The following USP15 variants were observed in gnomAD, a reference collection of about 807,000 sequenced individuals.
USP15 encodes ubiquitin carboxyl-terminal hydrolase 15.
Under a neutral mutation model 127.1 loss-of-function variants are expected in USP15, and 18 were observed. That is an observed-to-expected ratio of 0.14 (90% CI 0.10 to 0.21). USP15 has a LOEUF of 0.21. Among genes scored for constraint, USP15 ranks in the 10% least tolerant of loss-of-function variants. USP15 has a pLI of 1.00. For missense variants in USP15, 805 were observed against 1,159.9 expected (o/e 0.69, Z 4.44); for synonymous variants, 364 against 393.7 (o/e 0.92, Z 0.89).
rs149099292 is a variant in USP15, at chr12:62,267,688, A to G, written c.89+7185A>G. 4.3e-3 allele frequency among the ~76,000 whole-genome samples: 655 copies of G among 152,272 alleles called. 5 individuals carry two copies. The highest frequency in any genetic ancestry group is 0.014 in the South Asian group (67 of 4,832). ...AAAATCATTTAGCAGAAGTACCAGTAGCAAGGACTTCTTTGTGAAGGAAGT... is the reference window on the plus strand; with the variant it reads ...AAAATCATTTAGCAGAAGTACCAGTGGCAAGGACTTCTTTGTGAAGGAAGT... On this transcript the variant is annotated intron_variant, in intron 1 of 21. Coordinates refer to ENST00000280377, the MANE Select transcript of USP15 (RefSeq NM_001252078.2).
chr12:62,289,599 CACTT>C (rs903071887), intron 1 of USP15, among the ~76,000 whole-genome samples: 7 of 151,670 alleles, frequency 4.6e-5, no homozygotes, highest in African/African-American at 1.7e-4. Flanking sequence ...GTCTCAGTGT[CACTT>C]ACTTTTCCTC....
rs1007063070 is a variant in USP15, at chr12:62,412,575, G to C, written c.*8200G>C. On this transcript the variant is annotated 3_prime_UTR_variant, in exon 22 of 22. Transcript: ENST00000280377. ...AATCCTTTGTTGTCTTTTCAACAAT[G>C]TTCACAGCATCTTCACCAGGAGAAG... 4 of 163,954 alleles carry C rather than the reference G, an allele frequency of 2.4e-5. No individual in the cohort carries two copies. The highest frequency in any genetic ancestry group is 9.6e-5 in the African/African-American group (4 of 41,826). The allele number at this position is 163,954 out of a possible 1,614,324, so 10.2% of individuals were successfully genotyped here. A position where few individuals can be genotyped will look rare whatever the true frequency, so the allele number is the denominator to read the frequency against.
chr12:62,348,296 T>G (rs2065875858), intron 6 of USP15, among the ~76,000 whole-genome samples: 1 of 152,238 alleles, frequency 6.6e-6, no homozygotes, highest in Non-Finnish European at 1.5e-5. Context: ...GCATAATGCA[T>G]TGTAGATATA....
At chr12:62,372,599 A>G (rs1048655521) in intron 8 of USP15, among the ~76,000 whole-genome samples, 23 of 152,132 alleles carry the variant, frequency 1.5e-4, no homozygotes, top group African/African-American at 5.5e-4. Context: ...AAGATCAGTA[A>G]ACTCACACAA....
At chr12:62,273,469 A>G (rs982971489) in intron 1 of USP15, among the ~76,000 whole-genome samples, 2 of 152,086 alleles carry the variant, frequency 1.3e-5, no homozygotes, top group Admixed American at 1.3e-4. Context: ...GGACAGTCGA[A>G]GGGTTTTATT....
intron 8 of USP15, among the ~76,000 whole-genome samples, chr12:62,378,498 T>G (rs2066899879): frequency 6.6e-6 from 1 of 152,176 alleles, no homozygotes; most frequent in Admixed American, 6.5e-5. Flanking sequence ...TTATGATATC[T>G]TCACAGATAA....
At chr12:62,316,439 T>G (rs1026861914) in intron 4 of USP15, among the ~76,000 whole-genome samples, 4 of 152,038 alleles carry the variant, frequency 2.6e-5, no homozygotes, top group Non-Finnish European at 5.9e-5. Flanking sequence ...GAAAATAAGA[T>G]ATTTCTACAT....
intron 3 of USP15, among the ~76,000 whole-genome samples, chr12:62,313,354 G>T (rs183874346): frequency 9.2e-5 from 14 of 151,494 alleles, no homozygotes; most frequent in African/African-American, 3.4e-4. Flanking sequence ...TCATAATGGG[G>T]GTTTTGTTTT....
At chr12:62,397,393 G>T (rs1215814873) in intron 20 of USP15, among the ~76,000 whole-genome samples, 2 of 152,028 alleles carry the variant, frequency 1.3e-5, no homozygotes, top group East Asian at 1.9e-4. Context: ...TTTATGTCAT[G>T]CATATTGGTC....
rs1033948060 is a variant in USP15 at position 62,410,839 on chromosome 12, A to T, written c.*6464A>T. The T allele has an allele frequency of 6.1e-5, 6 of 98,226 alleles. No homozygotes were observed. The highest frequency in any genetic ancestry group is 1.4e-4 in the Non-Finnish European group (6 of 42,872). 6.1% of individuals were successfully genotyped at this position (98,226 alleles called of 1,614,324 possible). On this transcript the variant is annotated 3_prime_UTR_variant, in exon 22 of 22. Transcript: ENST00000280377. ...AATAGCATTGATGAGTCAAGTTAAT[A>T]TTTGTTTTTGTTTTTTTTTTTTTTT... is the stretch of plus-strand genomic sequence containing the variant.
chr12:62,307,505 C>T (rs929670753), intron 3 of USP15, among the ~76,000 whole-genome samples: 1 of 152,042 alleles, frequency 6.6e-6, no homozygotes, highest in Non-Finnish European at 1.5e-5. Context: ...GTATGGGGGG[C>T]AGAAAACTTG....
intron 21 of USP15, among the ~76,000 whole-genome samples, chr12:62,401,681 T>C (rs1018160703): frequency 2.6e-5 from 4 of 151,864 alleles, no homozygotes; most frequent in African/African-American, 9.7e-5. Context: ...TCCTGCCTTA[T>C]GAAAATTAAC....
intron 3 of USP15, among the ~76,000 whole-genome samples, chr12:62,308,126 C>T (rs1173735633): frequency 1.3e-5 from 2 of 151,796 alleles, no homozygotes; most frequent in Non-Finnish European, 2.9e-5. Flanking sequence ...CTAGGGGTCT[C>T]GGAATATATG....
At chr12:62,265,083 G>A (rs1286818988) in intron 1 of USP15, among the ~76,000 whole-genome samples, 2 of 152,130 alleles carry the variant, frequency 1.3e-5, no homozygotes, top group Non-Finnish European at 2.9e-5. Flanking sequence ...TTCTGTTAGT[G>A]AGTCCAGGGT....
intron 5 of USP15, among the ~76,000 whole-genome samples, chr12:62,322,151 G>A (rs1449501380): frequency 2.0e-5 from 3 of 152,050 alleles, no homozygotes; most frequent in South Asian, 2.1e-4. Context: ...TGTTTGAGAC[G>A]GAGTCTCACT....
intron 6 of USP15, 91 bp downstream of exon 6, chr12:62,326,024 G>T (rs182127887): frequency 7.5e-6 from 8 of 1,071,850 alleles, no homozygotes; most frequent in Non-Finnish European, 9.4e-6. Context: ...GAACCTAGAT[G>T]TGTATTGCAG....
At chr12:62,351,674 G>A (rs1386311811) in intron 7 of USP15, among the ~76,000 whole-genome samples, 1 of 151,882 alleles carries the variant, frequency 6.6e-6, no homozygotes, top group African/African-American at 2.4e-5. Flanking sequence ...AAGTTTGAAT[G>A]ATTCTATCAT....
At chr12:62,396,644 C>T (rs1466822760) in intron 20 of USP15, among the ~76,000 whole-genome samples, 2 of 151,848 alleles carry the variant, frequency 1.3e-5, no homozygotes, top group South Asian at 2.1e-4. Flanking sequence ...ATTTAGAGTG[C>T]ATTTCCCTCC....
intron 16 of USP15, 100 bp downstream of exon 16, chr12:62,391,529 C>T (rs1289749892): frequency 1.4e-6 from 2 of 1,420,290 alleles, no homozygotes; most frequent in Middle Eastern, 2.5e-4. Context: ...AAGAAATATA[C>T]CATTTACTTT....
Sources: allele counts gnomAD v4.1 joint callset (sites outside exome capture counted in the v4.1 genomes callset), GRCh38; gene constraint gnomAD v4.1.1; transcripts MANE v1.5; gene names NCBI Gene and HGNC (gene_info 2026-07-23, HGNC 2026-07-21).